ARHGAP22: variants seen among roughly 807,000 people sequenced by gnomAD.
The protein encoded by ARHGAP22 is rho GTPase-activating protein 22.
In ARHGAP22, 48 loss-of-function variants were observed where a neutral mutation model predicts 59.1. The ratio of observed to expected loss-of-function variants is 0.81; its 90% confidence interval spans 0.64 to 1.03. ARHGAP22 has a LOEUF of 1.03. Ranked by LOEUF, ARHGAP22 falls within the 50% of genes least tolerant of loss-of-function variation. The probability of loss-of-function intolerance (pLI) is 0.00; values close to 1 mark genes in which losing one functional copy is unlikely to be tolerated. For missense variants in ARHGAP22, 1,015 were observed against 958.7 expected (o/e 1.06, Z -0.78); for synonymous variants, 445 against 416.4 (o/e 1.07, Z -0.84).
chr10:48,642,571 T>G, intron 1 of ARHGAP22, among the ~76,000 whole-genome samples: 1 of 152,180 alleles, frequency 6.6e-6, no homozygotes, highest in Non-Finnish European at 1.5e-5. Context: ...TCCTTACACC[T>G]TATATAAAAA....
intron 1 of ARHGAP22, among the ~76,000 whole-genome samples, chr10:48,602,061 G>T (rs527259867): frequency 4.6e-5 from 7 of 152,200 alleles, no homozygotes; most frequent in Admixed American, 2.6e-4. Context: ...TGTCAAAATG[G>T]TAACAATGAT....
upstream of ARHGAP22, chr10:48,656,265 T>G (rs1193712464): frequency 3.1e-4 from 31 of 101,638 alleles, no homozygotes; most frequent in African/African-American, 1.7e-3. Flanking sequence ...TCGGCGCCTC[T>G]GGGGGGGGGG....
At chr10:48,629,886 G>A (rs1464539771) in intron 1 of ARHGAP22, among the ~76,000 whole-genome samples, 1 of 152,030 alleles carries the variant, frequency 6.6e-6, no homozygotes, top group Non-Finnish European at 1.5e-5. Context: ...TCAATGTTTT[G>A]TGGTTTTCTG....
At chr10:48,553,617 G>A (rs2057077464) in intron 3 of ARHGAP22, among the ~76,000 whole-genome samples, 1 of 152,116 alleles carries the variant, frequency 6.6e-6, no homozygotes, top group South Asian at 2.1e-4. Flanking sequence ...GAGGGATGTT[G>A]GGAGTATTGT....
chr10:48,541,029 A>G (rs1229195750), intron 3 of ARHGAP22, among the ~76,000 whole-genome samples: 2 of 152,056 alleles, frequency 1.3e-5, no homozygotes, highest in Admixed American at 1.3e-4. Flanking sequence ...CTGCAAGAAC[A>G]CAGATTCTGT....
At chr10:48,574,149 C>T (rs1000216501) in intron 2 of ARHGAP22, among the ~76,000 whole-genome samples, 2 of 152,214 alleles carry the variant, frequency 1.3e-5, no homozygotes, top group African/African-American at 4.8e-5. Context: ...AGGCACTTTA[C>T]AAAAGCAATA....
At chr10:48,501,091 A>C (rs7895625) in intron 3 of ARHGAP22, among the ~76,000 whole-genome samples, 1 of 152,016 alleles carries the variant, frequency 6.6e-6, no homozygotes, top group African/African-American at 2.4e-5. Context: ...ACAAATGGCA[A>C]AAGGAGAGGG....
upstream of ARHGAP22, among the ~76,000 whole-genome samples, chr10:48,607,070 G>A (rs2060708474): frequency 6.6e-6 from 1 of 152,174 alleles, no homozygotes; most frequent in Non-Finnish European, 1.5e-5. Context: ...CAGGGTCACA[G>A]GGCAAGTCCT....
At chr10:48,539,322 C>T (rs1489773071) in intron 3 of ARHGAP22, among the ~76,000 whole-genome samples, 3 of 116,416 alleles carry the variant, frequency 2.6e-5, no homozygotes, top group African/African-American at 3.6e-5. Flanking sequence ...GACGGAGTCT[C>T]GCTCTGTCGC....
rs376995984 is a variant in ARHGAP22 at position 48,618,462 on chromosome 10, C to A, written c.52+33772G>T. 5.2e-4 allele frequency among the ~76,000 whole-genome samples: 79 copies of A among 152,048 alleles called. 3 individuals carry two copies. The South Asian group carries it at 0.016, about 32-fold the overall frequency. ...AAATTCTCAACAAAATACTAGCAAA[C>A]CGAATCCAGCAGCATGTTAAAAAGA... On this transcript the variant is annotated intron_variant, in intron 1 of 9. Transcript: ENST00000435790.
intron 1 of ARHGAP22, among the ~76,000 whole-genome samples, chr10:48,646,567 C>T (rs567216458): frequency 1.3e-5 from 2 of 152,214 alleles, no homozygotes; most frequent in East Asian, 3.9e-4. Context: ...GGAGCTTGGG[C>T]AATTCAGTGG....
intron 3 of ARHGAP22, among the ~76,000 whole-genome samples, chr10:48,519,277 C>G (rs1443572062): frequency 6.6e-6 from 1 of 152,232 alleles, no homozygotes; most frequent in Non-Finnish European, 1.5e-5. Flanking sequence ...TTGCACCAGA[C>G]CAGCAACAGC....
At chr10:48,592,079 AGACTT>A (rs1444422211) in intron 1 of ARHGAP22, among the ~76,000 whole-genome samples, 5 of 152,204 alleles carry the variant, frequency 3.3e-5, no homozygotes, top group Non-Finnish European at 4.4e-5. Flanking sequence ...ACATTAGAAA[AGACTT>A]GAAAAGAATG....
intron 3 of ARHGAP22, among the ~76,000 whole-genome samples, chr10:48,528,232 C>G (rs970864404): frequency 6.6e-6 from 1 of 152,142 alleles, no homozygotes; most frequent in African/African-American, 2.4e-5. Context: ...ATGCAGGAGT[C>G]TGGATTGCTC....
chr10:48,435,238 T>A, the ARHGAP22 span: 1 of 446,594 alleles, frequency 2.2e-6, no homozygotes, highest in Non-Finnish European at 3.9e-6. Context: ...AACTGTATTG[T>A]ATTTTTTTTG....
At chr10:48,547,139 G>A (rs1046923048) in intron 3 of ARHGAP22, among the ~76,000 whole-genome samples, 1 of 152,222 alleles carries the variant, frequency 6.6e-6, no homozygotes, top group Non-Finnish European at 1.5e-5. Flanking sequence ...GGCACAAACA[G>A]GAAGATGGCT....
Position 48,450,800 on chromosome 10 carries a change from CT to C in ARHGAP22, c.1328del (p.Lys443ArgfsTer20). ...RQPRSLSGSP[K>X]GGGSSLEVPI... ...GCACCTCCAGGGATGAGCCGCCCCCCTTCGGGCTTCCCGATAGGGACCTCGG... is the reference window on the plus strand; with the variant it reads ...GCACCTCCAGGGATGAGCCGCCCCCCTCGGGCTTCCCGATAGGGACCTCGG... On this transcript the variant is annotated frameshift_variant, in exon 9 of 10. Coordinates refer to ENST00000249601, the MANE Select transcript of ARHGAP22 (RefSeq NM_021226.4). LOFTEE classifies it high-confidence loss of function. The C allele has an allele frequency of 6.3e-7, 1 of 1,575,022 alleles. No individual in the cohort carries two copies. Among genetic ancestry groups the C allele is most frequent in the Non-Finnish European group, 8.6e-7 (1 of 1,161,102 alleles).
rs149137591 is a variant in ARHGAP22 at position 48,509,829 on chromosome 10, G to C, written c.323-30065C>G. Reference sequence around the variant, plus strand: ...GACGCCCGACGAGTCATGGAGGAGGGGGCACAGGAAGGAAGGATGTTCTCA... The same window carrying C: ...GACGCCCGACGAGTCATGGAGGAGGCGGCACAGGAAGGAAGGATGTTCTCA... On this transcript the variant is annotated intron_variant, in intron 3 of 9. Transcript: ENST00000249601. Among the ~76,000 whole-genome samples, 153 of 152,292 alleles carry C rather than the reference G, an allele frequency of 1.0e-3. 4 individuals are homozygous for C. Among genetic ancestry groups the C allele is most frequent in the Non-Finnish European group, 3.7e-4 (25 of 68,032 alleles).
rs544433135 is a variant in ARHGAP22, at chr10:48,497,397, G to A, written c.323-17633C>T. 6.6e-5 allele frequency among the ~76,000 whole-genome samples: 10 copies of A among 152,338 alleles called. No homozygotes were observed. In the South Asian group the frequency reaches 2.1e-3, roughly 32 times the overall value. ...CTCAGCAGCGCTCAGCCAGGGATAG[G>A]AGGAGGCTGATGACTCACTTCTATG... On this transcript the variant is annotated intron_variant, in intron 3 of 9. Coordinates refer to ENST00000249601, the MANE Select transcript of ARHGAP22 (RefSeq NM_021226.4).
Sources: allele counts gnomAD v4.1 joint callset (sites outside exome capture counted in the v4.1 genomes callset), GRCh38; gene constraint gnomAD v4.1.1; transcripts MANE v1.5; gene names NCBI Gene and HGNC (gene_info 2026-07-23, HGNC 2026-07-21).